GUCY1A1: variants seen among roughly 807,000 people sequenced by gnomAD.
The protein encoded by GUCY1A1 is guanylate cyclase soluble subunit alpha-1.
In GUCY1A1, 48 loss-of-function variants were observed where a neutral mutation model predicts 64.5. The ratio of observed to expected loss-of-function variants is 0.74; its 90% CI spans 0.59 to 0.95. The LOEUF (loss-of-function observed/expected upper bound fraction) is 0.95. GUCY1A1 is among the 40% of genes least tolerant of loss of function. GUCY1A1 has a pLI of 0.00. For synonymous variants in GUCY1A1, 308 were observed against 303.4 expected, an observed-to-expected ratio of 1.02 and a Z score of -0.16; for missense variants, 804 against 825.3, an observed-to-expected ratio of 0.97 and a Z score of 0.32.
In GUCY1A1 at chr4:155,707,906, A is replaced by G. The variant is rs1579078189; in HGVS notation, c.318-330A>G. Among the ~76,000 whole-genome samples the G allele has an allele frequency of 3.4e-5, 5 of 148,232 alleles. No homozygotes were observed. The South Asian group carries it at 8.5e-4, about 25-fold the overall frequency. On this transcript the variant is annotated intron_variant, in intron 4 of 9. Coordinates refer to ENST00000506455, the MANE Select transcript of GUCY1A1 (RefSeq NM_001130682.3). ...GTGCAGTGGTGGCTGATCTCGGCTC[A>G]CTGCTACCTCTGCCCCGCCAGGTCC...
At chr4:155,721,442 C>T (rs1258343638) in intron 8 of GUCY1A1, among the ~76,000 whole-genome samples, 1 of 152,170 alleles carries the variant, frequency 6.6e-6, no homozygotes, top group Middle Eastern at 3.4e-3. Context: ...ACATTGTCAT[C>T]GTCATTGGAC....
Position 155,717,211 on chromosome 4 carries a change from G to A in GUCY1A1, c.1625G>A (p.Ser542Asn). 1 of 1,588,358 alleles carries A rather than the reference G, an allele frequency of 6.3e-7. No individual in the cohort carries two copies. Among genetic ancestry groups the A allele is most frequent in the Non-Finnish European group, 8.6e-7 (1 of 1,163,922 alleles). Residue 542 changes from serine to asparagine, a missense_variant, in exon 8 of 10, where the codon AGT becomes AAT. Transcript: ENST00000506455. ...YCVAGGLHKESDTHAVQIALM... is the reference protein window; with the variant it reads ...YCVAGGLHKENDTHAVQIALM... ...GTAGCTGGGGGATTACACAAAGAGA[G>A]TGATACTCATGCTGTTCAGATAGCG...
intron 5 of GUCY1A1, among the ~76,000 whole-genome samples, chr4:155,708,790 T>C (rs998597353): frequency 2.6e-5 from 4 of 152,118 alleles, no homozygotes; most frequent in Non-Finnish European, 5.9e-5. Flanking sequence ...AAGATATTGA[T>C]AATAATAATA....
At chr4:155,682,712 GTGTGTGTGTGTGTGTGTA>G (rs1250838287) in intron 2 of GUCY1A1, among the ~76,000 whole-genome samples, 4 of 151,558 alleles carry the variant, frequency 2.6e-5, no homozygotes, top group Admixed American at 1.3e-4. Flanking sequence ...GTGTGTGTGT[GTGTGTGTGTGTGTGTGTA>G]TATACCCCAC....
Position 155,732,599 on chromosome 4 carries a change from T to A in GUCY1A1, c.*2368T>A, listed in dbSNP as rs1040819996. On this transcript the variant is annotated 3_prime_UTR_variant, in exon 10 of 10. Coordinates refer to ENST00000506455, the MANE Select transcript of GUCY1A1 (RefSeq NM_001130682.3). Reference sequence around the variant, plus strand: ...TCCAGACCACTGATGGTAGCCAGAGTAGAGACCCTGGAGCATAGATTCTTA... The same window carrying A: ...TCCAGACCACTGATGGTAGCCAGAGAAGAGACCCTGGAGCATAGATTCTTA... Among the ~76,000 whole-genome samples, 3 of 151,814 alleles carry A rather than the reference T, an allele frequency of 2.0e-5. No homozygotes were observed. The highest frequency in any genetic ancestry group is 7.2e-5 in the African/African-American group (3 of 41,390).
At position 155,736,531 on chromosome 4, in the gene GUCY1A1, A is replaced by C. The variant is rs1736071948; in HGVS notation, c.*6300A>C. ...AATTTTGACTAAGAACTTACTGTTT[A>C]GAGAGAAAAAATAGTAAATAATGTT... is the stretch of plus-strand genomic sequence containing the variant. On this transcript the variant is annotated 3_prime_UTR_variant, in exon 10 of 10. Transcript: ENST00000506455. 1 of 151,982 alleles carries C rather than the reference A, an allele frequency of 6.6e-6. No individual in the cohort carries two copies. The highest frequency in any genetic ancestry group is 6.6e-5 in the Admixed American group (1 of 15,218). The allele number at this position is 151,982 out of a possible 1,614,324, so 9.4% of individuals were successfully genotyped here. A position where few individuals can be genotyped will look rare whatever the true frequency, so the allele number is the denominator to read the frequency against.
At chr4:155,692,791 G>T (rs1729920334) in intron 2 of GUCY1A1, among the ~76,000 whole-genome samples, 1 of 152,316 alleles carries the variant, frequency 6.6e-6, no homozygotes, top group South Asian at 2.1e-4. Context: ...GGGCATGGTG[G>T]CTCACGTCTG....
At chr4:155,725,977 A>G (rs1734607375) in intron 9 of GUCY1A1, among the ~76,000 whole-genome samples, 1 of 152,062 alleles carries the variant, frequency 6.6e-6, no homozygotes, top group Admixed American at 6.6e-5. Flanking sequence ...AATAAGTCAT[A>G]ATCTCATTAC....
intron 2 of GUCY1A1, among the ~76,000 whole-genome samples, chr4:155,681,623 G>C (rs777935277): frequency 1.3e-5 from 2 of 151,962 alleles, no homozygotes; most frequent in Admixed American, 6.6e-5. Context: ...TTTCGAACAC[G>C]TGTCCTCTTT....
chr4:155,702,531 G>T (rs191152877), intron 3 of GUCY1A1, among the ~76,000 whole-genome samples: 140 of 152,178 alleles, frequency 9.2e-4, no homozygotes, highest in African/African-American at 3.0e-3. Flanking sequence ...ACTGCCCTTT[G>T]CCTTTACATA....
intron 2 of GUCY1A1, among the ~76,000 whole-genome samples, chr4:155,685,606 T>G (rs1466295615): frequency 8.6e-4 from 45 of 52,416 alleles, no homozygotes; most frequent in Admixed American, 5.8e-3. Context: ...TCCTTGTGTT[T>G]TTTTTTTTTT....
At chr4:155,700,420 G>A (rs116656350) in intron 3 of GUCY1A1, among the ~76,000 whole-genome samples, 1,846 of 152,122 alleles carry the variant, frequency 0.012, 22 homozygotes, top group Non-Finnish European at 0.02. Flanking sequence ...AGCACTGTAG[G>A]AAAATTAAAA....
chr4:155,689,879 G>A (rs943628704), intron 2 of GUCY1A1, among the ~76,000 whole-genome samples: 12 of 152,162 alleles, frequency 7.9e-5, no homozygotes, highest in Non-Finnish European at 1.6e-4. Flanking sequence ...AGAATCATCA[G>A]TATGGGCTCT....
intron 3 of GUCY1A1, among the ~76,000 whole-genome samples, chr4:155,701,754 T>C (rs1731108072): frequency 6.8e-6 from 1 of 147,972 alleles, no homozygotes. Context: ...TAGTGAACTG[T>C]GATCACCACT....
intron 2 of GUCY1A1, among the ~76,000 whole-genome samples, chr4:155,670,127 T>C (rs1372909206): frequency 3.3e-5 from 5 of 152,206 alleles, no homozygotes; most frequent in Non-Finnish European, 5.9e-5. Context: ...AGAAGTTGCT[T>C]GGCTTTTATT....
At chr4:155,709,137 T>G (rs1388226939) in intron 5 of GUCY1A1, among the ~76,000 whole-genome samples, 1 of 152,100 alleles carries the variant, frequency 6.6e-6, no homozygotes, top group Non-Finnish European at 1.5e-5. Flanking sequence ...CCACTATCAG[T>G]TCTCACCAGA....
At chr4:155,729,993 A>G in intron 9 of GUCY1A1, 37 bp from the exon 10 acceptor site, 1 of 1,277,234 alleles carries the variant, frequency 7.8e-7, no homozygotes, top group Non-Finnish European at 1.1e-6. Context: ...TTGAGTGGAC[A>G]AACATTTATG....
chr4:155,675,180 T>C (rs1486144920), intron 2 of GUCY1A1, among the ~76,000 whole-genome samples: 1 of 151,658 alleles, frequency 6.6e-6, no homozygotes, highest in Non-Finnish European at 1.5e-5. Flanking sequence ...ACTTTGCAGC[T>C]TCAAATATGC....
intron 8 of GUCY1A1, among the ~76,000 whole-genome samples, chr4:155,720,782 A>G (rs1733868428): frequency 6.6e-6 from 1 of 152,192 alleles, no homozygotes; most frequent in South Asian, 2.1e-4. Flanking sequence ...GTCTTCATTC[A>G]AAACGCATAC....
Sources: allele counts gnomAD v4.1 joint callset (sites outside exome capture counted in the v4.1 genomes callset), GRCh38; gene constraint gnomAD v4.1.1; transcripts MANE v1.5; gene names NCBI Gene and HGNC (gene_info 2026-07-23, HGNC 2026-07-21).